Variants in PPM1M observed in about 807,000 individuals in gnomAD.
PPM1M encodes the protein protein phosphatase, Mg2+/Mn2+ dependent 1M, also known as protein phosphatase 1M.
A neutral mutation model predicts 50.8 loss-of-function variants in PPM1M; 44 were observed. That is an observed-to-expected ratio of 0.87 (90% CI 0.68 to 1.11). The LOEUF is 1.11. Among genes scored for constraint, PPM1M ranks in the 50% most tolerant of loss-of-function variants. The probability of loss-of-function intolerance (pLI) is 0.00; values close to 1 mark genes in which losing one functional copy is unlikely to be tolerated. For missense variants in PPM1M, 556 were observed against 593.4 expected (o/e 0.94, Z 0.66); for synonymous variants, 224 against 242.9 (o/e 0.92, Z 0.72).
At chr3:52,248,559 G>A (rs768249835) in intron 6 of PPM1M, 78 bp from the exon 7 acceptor site, 55 of 1,592,464 alleles carry the variant, frequency 3.5e-5, no homozygotes, top group Non-Finnish European at 4.7e-5. Flanking sequence ...CTGTGAGGGT[G>A]TGACAGCTGG....
rs1256717763 is a variant in PPM1M at position 52,250,089 on chromosome 3, T to G, written c.*275T>G. On this transcript the variant is annotated 3_prime_UTR_variant, in exon 10 of 10. Coordinates refer to ENST00000323588, the MANE Select transcript of PPM1M (RefSeq NM_144641.4). Reference sequence around the variant, plus strand: ...TTACAACTTAACTAGGAAACCCATGTGAGGCTCCTCAGACAGGATCTTGAA... The same window carrying G: ...TTACAACTTAACTAGGAAACCCATGGGAGGCTCCTCAGACAGGATCTTGAA... 1 of 401,828 alleles carries G rather than the reference T, an allele frequency of 2.5e-6. No individual in the cohort carries two copies. 24.9% of individuals were successfully genotyped at this position (401,828 alleles called of 1,614,324 possible). A position where few individuals can be genotyped will look rare whatever the true frequency, so the allele number is the denominator to read the frequency against.
chr3:52,246,017 C>A lies in PPM1M; in HGVS notation c.193C>A (p.Arg65Ser). ...GCCCGTGCGCAGCCCCGCACGAGGA[C>A]GCACGCTACCCTGGAATGCAGGCTA... ...SRPVRSPARG[R>S]TLPWNAGYAE... is the part of the protein sequence containing the mutation. Residue 65 changes from arginine (R) to serine (S), a missense_variant, in exon 1 of 10, where the codon CGC becomes AGC. By Grantham distance (110) the Arg-to-Ser change is moderately radical. Coordinates refer to ENST00000323588, the MANE Select transcript of PPM1M (RefSeq NM_144641.4). 8.1e-7 allele frequency: 1 copy of A among 1,227,364 alleles called. No individual in the cohort carries two copies. Among genetic ancestry groups the A allele is most frequent in the South Asian group, 1.4e-5 (1 of 73,068 alleles). The allele number at this position is 1,227,364 out of a possible 1,614,324, so 76.0% of individuals were successfully genotyped here.
intron 1 of PPM1M, 115 bp downstream of exon 1, chr3:52,246,163 G>A: frequency 2.9e-6 from 3 of 1,020,206 alleles, no homozygotes; most frequent in Non-Finnish European, 3.5e-6. Flanking sequence ...CCTGTGGACA[G>A]CCCCTTCTTG....
At chr3:52,247,647 C>T in intron 3 of PPM1M, 35 bp from the exon 4 acceptor site, 1 of 1,352,282 alleles carries the variant, frequency 7.4e-7, no homozygotes, top group Non-Finnish European at 1.0e-6. Context: ...GGTGGCAGAA[C>T]AGGCAGCAGC....
At position 52,250,280 on chromosome 3, in the gene PPM1M, T is replaced by G; in HGVS notation, c.*466T>G. ...TCCACGCAGGTGGCTTGTAGAAACC[T>G]TTGGGCAGCCTCATGTCTGCTAAAA... On this transcript the variant is annotated 3_prime_UTR_variant, in exon 10 of 10. Coordinates refer to ENST00000323588, the MANE Select transcript of PPM1M (RefSeq NM_144641.4). The G allele has an allele frequency of 6.0e-6, 1 of 167,670 alleles. No homozygotes were observed. The highest frequency in any genetic ancestry group is 1.5e-4 in the East Asian group (1 of 6,538). 10.4% of individuals were successfully genotyped at this position (167,670 alleles called of 1,614,324 possible).
rs1203936788 is a variant in PPM1M, at chr3:52,248,594, T to C, written c.915-43T>C. On this transcript the variant is annotated intron_variant, in intron 6 of 9. Transcript: ENST00000323588. ...GGCCCTGAGTTGGGGAAAGATGAGA[T>C]GGGGCACAGGGCTTGGGTTGATGCT... The C allele has an allele frequency of 1.9e-6, 3 of 1,608,450 alleles. No individual in the cohort carries two copies. The East Asian group carries it at 6.7e-5, about 36-fold the overall frequency.
At position 52,249,046 on chromosome 3, in the gene PPM1M, T is replaced by C. The variant is rs1462928428; in HGVS notation, c.1069T>C (p.Leu357=). The C allele has an allele frequency of 6.2e-7, 1 of 1,610,664 alleles. No individual in the cohort carries two copies. Among genetic ancestry groups the C allele is most frequent in the Non-Finnish European group, 8.5e-7 (1 of 1,178,442 alleles). ...LDTNIQLKPF[L]LSVPQVTVLD... ...CACAAACATCCAGCTCAAGCCCTTCTTGCTCTCTGTGCCACAGGTAAGGGG... is the reference window on the plus strand; with the variant it reads ...CACAAACATCCAGCTCAAGCCCTTCCTGCTCTCTGTGCCACAGGTAAGGGG... The change falls in exon 8 of 10, where the codon TTG becomes CTG. Residue 357 remains leucine (L), a synonymous_variant. Coordinates refer to ENST00000323588, the MANE Select transcript of PPM1M (RefSeq NM_144641.4).
intron 6 of PPM1M, 69 bp downstream of exon 6, chr3:52,248,522 G>GC (rs1559447983): frequency 2.5e-6 from 4 of 1,590,110 alleles, no homozygotes; most frequent in Non-Finnish European, 2.6e-6. Context: ...ATGGCCTGGG[G>GC]CCCCCCTCCA....
chr3:52,248,441 A>G lies in PPM1M; in HGVS notation c.902A>G (p.His301Arg). 6.2e-7 allele frequency: 1 copy of G among 1,613,458 alleles called. No individual in the cohort carries two copies. The highest frequency in any genetic ancestry group is 8.5e-7 in the Non-Finnish European group (1 of 1,179,520). ...CAGAAGGTTTTGTTCAGGGATCACC[A>G]CATGAGTGGCTGGTGAGTGGGGATG... Reference protein sequence around the residue: ...LGQKVLFRDHHMSGWSYKRVE... With the variant: ...LGQKVLFRDHRMSGWSYKRVE... The change falls in exon 6 of 10, where the codon CAC becomes CGC. Residue 301 changes from histidine (H) to arginine (R), a missense_variant. Transcript: ENST00000323588.
chr3:52,247,396 T>A, intron 3 of PPM1M, 168 bp downstream of exon 3: 1 of 983,668 alleles, frequency 1.0e-6, no homozygotes, highest in South Asian at 1.7e-5. Flanking sequence ...GCATAACCCC[T>A]CTCATTTATC....
chr3:52,248,810 C>T (rs1025064092), intron 7 of PPM1M, 110 bp downstream of exon 7: 2 of 1,357,914 alleles, frequency 1.5e-6, no homozygotes, highest in Non-Finnish European at 1.0e-6. Context: ...CTGGGATTTG[C>T]TCTGAGACTA....
intron 9 of PPM1M, 62 bp from the exon 10 acceptor site, chr3:52,249,608 T>TTGTGC: frequency 6.2e-7 from 1 of 1,603,108 alleles, no homozygotes; most frequent in Non-Finnish European, 8.5e-7. Flanking sequence ...TGAGTTCTCC[T>TTGTGC]AAGGTCTGGC....
chr3:52,247,703 C>G lies in PPM1M; in HGVS notation c.619C>G (p.Leu207Val). 1 of 1,603,754 alleles carries G rather than the reference C, an allele frequency of 6.2e-7. No individual in the cohort carries two copies. The highest frequency in any genetic ancestry group is 8.5e-7 in the Non-Finnish European group (1 of 1,175,218). The part of the protein sequence containing the change: ...QECDEVIGRE[L>V]EASGQMGGCT... ...CCAGGATGAGGTGATCGGGCGGGAG[C>G]TGGAGGCCTCAGGCCAGATGGGCGG... The change falls in exon 4 of 10, where the codon CTG becomes GTG. Residue 207 changes from leucine (L) to valine (V), a missense_variant. By Grantham distance (32) the Leu-to-Val change is conservative. Coordinates refer to ENST00000323588, the MANE Select transcript of PPM1M (RefSeq NM_144641.4).
chr3:52,245,988 C>T lies in PPM1M; in HGVS notation c.164C>T (p.Ser55Phe). The change falls in exon 1 of 10, where the codon TCC becomes TTC. Residue 55 changes from serine to phenylalanine, a missense_variant. By Grantham distance (155) the Ser-to-Phe change is radical. Transcript: ENST00000323588. The surrounding 1 kb of genome is among the most constrained non-coding windows in gnomAD (Gnocchi z 4.8). ...GAADASRRPD[S>F]RPVRSPARGR... The stretch of plus-strand genomic sequence containing the variant: ...GCCGACGCCTCGCGCCGCCCAGACT[C>T]CCGGCCCGTGCGCAGCCCCGCACGA... 4 of 1,245,696 alleles carry T rather than the reference C, an allele frequency of 3.2e-6. No homozygotes were observed. Among genetic ancestry groups the T allele is most frequent in the Non-Finnish European group, 3.1e-6 (3 of 968,662 alleles). 77.2% of individuals were successfully genotyped at this position (1,245,696 alleles called of 1,614,324 possible). A position where few individuals can be genotyped will look rare whatever the true frequency, so the allele number is the denominator to read the frequency against.
rs1176376546 is a variant in PPM1M, at chr3:52,247,449, AT to A, written c.597+223del. The A allele has an allele frequency of 8.5e-5, 61 of 714,074 alleles. 1 individual carries two copies. In the African/African-American group the frequency reaches 8.9e-4, roughly 10 times the overall value. The allele number at this position is 714,074 out of a possible 1,614,324, so 44.2% of individuals were successfully genotyped here. A position where few individuals can be genotyped will look rare whatever the true frequency, so the allele number is the denominator to read the frequency against. On this transcript the variant is annotated intron_variant, in intron 3 of 9. Coordinates refer to ENST00000323588, the MANE Select transcript of PPM1M (RefSeq NM_144641.4). ...TAACTGCTTTTACCTGCATCATCTA[AT>A]TGAATACCCTATTGGTCCTTGGTGC...
chr3:52,249,323 G>A lies in PPM1M; in HGVS notation c.1235+1G>A, dbSNP rs1329676882. Reference sequence around the variant, plus strand: ...CTGGGAACCAAGAGGACCCACACAGGTACTGTAGCTGCTGGGGACCTGCCT... The same window carrying A: ...CTGGGAACCAAGAGGACCCACACAGATACTGTAGCTGCTGGGGACCTGCCT... On this transcript the variant is annotated splice_donor_variant, in intron 9 of 9. Coordinates refer to ENST00000323588, the MANE Select transcript of PPM1M (RefSeq NM_144641.4). LOFTEE classifies it high-confidence loss of function. 4 of 1,595,084 alleles carry A rather than the reference G, an allele frequency of 2.5e-6. No individual in the cohort carries two copies. Among genetic ancestry groups the A allele is most frequent in the South Asian group, 1.1e-5 (1 of 88,540 alleles).
chr3:52,247,378 C>T (rs1699878092), intron 3 of PPM1M, 150 bp downstream of exon 3: 1 of 1,128,828 alleles, frequency 8.9e-7, no homozygotes, highest in Admixed American at 2.5e-5. Context: ...TAACAGCCAT[C>T]ACTATCAGCA....
At chr3:52,247,393 C>T in intron 3 of PPM1M, 165 bp downstream of exon 3, 1 of 1,012,698 alleles carries the variant, frequency 9.9e-7, no homozygotes, top group Non-Finnish European at 1.4e-6. Flanking sequence ...TCAGCATAAC[C>T]CCTCTCATTT....
chr3:52,248,647 C>T lies in PPM1M; in HGVS notation c.925C>T (p.Arg309Cys), dbSNP rs566965007. The change falls in exon 7 of 10, where the codon CGT becomes TGT. Residue 309 changes from arginine to cysteine, a missense_variant. Arg to Cys is a radical substitution (Grantham distance 180). Coordinates refer to ENST00000323588, the MANE Select transcript of PPM1M (RefSeq NM_144641.4). Reference protein sequence around the residue: ...DHHMSGWSYKRVEKSDLKYPL... With the variant: ...DHHMSGWSYKCVEKSDLKYPL... The stretch of plus-strand genomic sequence containing the variant: ...CTCTGCTCCTGGTAGGAGCTACAAA[C>T]GTGTGGAGAAATCGGATCTCAAGTA... 32 of 1,613,848 alleles carry T rather than the reference C, an allele frequency of 2.0e-5. No homozygotes were observed. The East Asian group carries it at 3.1e-4, about 16-fold the overall frequency.
Sources: gnomAD v4.1 joint callset for allele counts on GRCh38, gnomAD v4.1.1 for gene constraint, Gnocchi (gnomAD v3.1) non-coding constraint, MANE v1.5 for transcripts, NCBI Gene and HGNC (gene_info 2026-07-23, HGNC 2026-07-21) for gene names.